OXGR1: variants seen among roughly 807,000 people sequenced by gnomAD.
OXGR1 encodes 2-oxoglutarate receptor 1.
A neutral mutation model predicts 10.0 loss-of-function variants in OXGR1; 10 were observed. The observed-to-expected ratio is 1.00, with a 90% confidence interval of 0.62 to 1.70. The LOEUF (loss-of-function observed/expected upper bound fraction) is 1.70. Among genes scored for constraint, OXGR1 ranks in the 40% most tolerant of loss-of-function variants. The probability of loss-of-function intolerance (pLI) is 0.00; values close to 1 mark genes in which losing one functional copy is unlikely to be tolerated. For missense variants in OXGR1, 398 were observed against 407.6 expected, an observed-to-expected ratio of 0.98 and a Z score of 0.20; for synonymous variants, 191 against 155.9, an observed-to-expected ratio of 1.22 and a Z score of -1.68.
chr13:96,992,351 C>T (rs894785995), intron 2 of OXGR1, 71 bp downstream of exon 2: 3 of 151,942 alleles, frequency 2.0e-5, no homozygotes, highest in African/African-American at 7.3e-5. Context: ...CTCATGTACC[C>T]CATAATTATA....
At position 96,987,406 on chromosome 13, in the gene OXGR1, A is replaced by G. The variant is rs1881817364; in HGVS notation, c.354T>C (p.Tyr118=). The change falls in exon 4 of 4, where the codon TAT becomes TAC. Residue 118 remains tyrosine, a synonymous_variant. Coordinates refer to ENST00000541038, the MANE Select transcript of OXGR1 (RefSeq NM_001346194.2). ...FIRFSFHFNL[Y]SSILFLTCFS... is the part of the protein sequence containing the mutation. ...AACAGGTGAGGAAGAGGATGCTGCTATACAGGTTGAAATGGAAGCTGAAGC... is the reference window on the plus strand; with the variant it reads ...AACAGGTGAGGAAGAGGATGCTGCTGTACAGGTTGAAATGGAAGCTGAAGC... 1 of 1,614,190 alleles carries G rather than the reference A, an allele frequency of 6.2e-7. No homozygotes were observed. Among genetic ancestry groups the G allele is most frequent in the Non-Finnish European group, 8.5e-7 (1 of 1,180,026 alleles).
intron 2 of OXGR1, among the ~76,000 whole-genome samples, chr13:96,990,699 T>C (rs940452182): frequency 2.0e-5 from 3 of 152,108 alleles, no homozygotes; most frequent in African/African-American, 7.2e-5. Flanking sequence ...ACCTCAGCAC[T>C]TTGGGAGGCT....
At position 96,987,154 on chromosome 13, in the gene OXGR1, C is replaced by T. The variant is rs1881794264; in HGVS notation, c.606G>A (p.Leu202=). 1 of 1,614,086 alleles carries T rather than the reference C, an allele frequency of 6.2e-7. No homozygotes were observed. The highest frequency in any genetic ancestry group is 8.5e-7 in the Non-Finnish European group (1 of 1,180,008). Residue 202 remains leucine, a synonymous_variant, in exon 4 of 4, where the codon TTG becomes TTA. Coordinates refer to ENST00000541038, the MANE Select transcript of OXGR1 (RefSeq NM_001346194.2). ...LNTIKWYNLI[L]TATTFCLPLV... ...AGGGGAGGCAGAAAGTAGTTGCAGT[C>T]AAAATCAGGTTGTACCACTTAATAG...
chr13:96,993,488 CT>C lies in OXGR1; in HGVS notation c.-278+809del, dbSNP rs1311200311. ...CCACCTGCCTCAGCCTCCCAAAGTG[CT>C]GGGATTACAGACGTGAGCCACACAC... On this transcript the variant is annotated intron_variant, in intron 1 of 3. Transcript: ENST00000541038. 1.3e-5 allele frequency among the ~76,000 whole-genome samples: 2 copies of C among 152,172 alleles called. 1 individual carries two copies. The highest frequency in any genetic ancestry group is 1.3e-4 in the Admixed American group (2 of 15,274).
At chr13:96,990,629 C>A (rs927546282) in intron 2 of OXGR1, among the ~76,000 whole-genome samples, 8 of 152,032 alleles carry the variant, frequency 5.3e-5, no homozygotes, top group Non-Finnish European at 1.0e-4. Flanking sequence ...ACTGAAGGGG[C>A]AACTATCATT....
rs1371059943 is a variant in OXGR1 at position 96,986,571 on chromosome 13, A to G, written c.*175T>C. ...TCCCATTCTTATATCTCCCCAGTGG[A>G]GGAGCTCAATAAAGGGATTGCAAAG... On this transcript the variant is annotated 3_prime_UTR_variant, in exon 4 of 4. Transcript: ENST00000541038. 5.3e-5 allele frequency: 33 copies of G among 621,826 alleles called. No homozygotes were observed. The highest frequency in any genetic ancestry group is 9.1e-5 in the Non-Finnish European group (33 of 360,776). 38.5% of individuals were successfully genotyped at this position (621,826 alleles called of 1,614,324 possible).
chr13:96,993,290 G>C (rs1882151187), intron 1 of OXGR1, among the ~76,000 whole-genome samples: 1 of 152,102 alleles, frequency 6.6e-6, no homozygotes, highest in African/African-American at 2.4e-5. Context: ...CATGATCTTG[G>C]CGCACTTCAA....
intron 2 of OXGR1, among the ~76,000 whole-genome samples, chr13:96,990,946 C>CAAAAAA (rs765856782): frequency 0.066 from 6,412 of 96,896 alleles, 764 homozygotes; most frequent in African/African-American, 0.19. Flanking sequence ...AAGACTCTTT[C>CAAAAAA]AAAAAAAAAA....
chr13:96,990,014 T>C (rs1881973855), intron 2 of OXGR1, among the ~76,000 whole-genome samples: 1 of 152,194 alleles, frequency 6.6e-6, no homozygotes, highest in Non-Finnish European at 1.5e-5. Context: ...CCTATGCCCA[T>C]CCTCCTGTAA....
At chr13:96,992,733 T>A (rs1018101596) in intron 1 of OXGR1, among the ~76,000 whole-genome samples, 161 bp from the exon 2 acceptor site, 1 of 152,204 alleles carries the variant, frequency 6.6e-6, no homozygotes, top group Non-Finnish European at 1.5e-5. Context: ...GCAGATCAGC[T>A]TTGTTGGATA....
rs1193399261 is a variant in OXGR1, at chr13:96,987,170, C to T, written c.590G>A (p.Trp197Ter). The change falls in exon 4 of 4, where the codon TGG (tryptophan) becomes TAG (stop). Residue 197 changes from tryptophan (W) to a stop codon, truncating the protein, a stop_gained. Transcript: ENST00000541038. LOFTEE classifies it high-confidence loss of function. The stretch of plus-strand genomic sequence containing the variant: ...AGTTGCAGTCAAAATCAGGTTGTAC[C>T]ACTTAATAGTATTGAGTTCATCCGA... ...TSSDELNTIK[W>*]YNLILTATTF... The T allele has an allele frequency of 6.2e-7, 1 of 1,614,054 alleles. No individual in the cohort carries two copies. Among genetic ancestry groups the T allele is most frequent in the East Asian group, 2.2e-5 (1 of 44,878 alleles).
intron 1 of OXGR1, among the ~76,000 whole-genome samples, chr13:96,993,808 G>T (rs1342724336): frequency 2.0e-5 from 3 of 150,444 alleles, no homozygotes; most frequent in Non-Finnish European, 4.4e-5. Context: ...TTCCTCGCTT[G>T]TTGGGGGTGG....
chr13:96,987,941 A>T, intron 3 of OXGR1, 108 bp from the exon 4 acceptor site: 1 of 695,756 alleles, frequency 1.4e-6, no homozygotes, highest in Non-Finnish European at 2.2e-6. Context: ...TCTCTCTTTA[A>T]TCTCAAAAGA....
At chr13:96,993,334 C>T (rs1257880558) in intron 1 of OXGR1, among the ~76,000 whole-genome samples, 1 of 152,188 alleles carries the variant, frequency 6.6e-6, no homozygotes, top group East Asian at 1.9e-4. Context: ...ATCCTCCTGC[C>T]TCAGCCTCGG....
chr13:96,993,736 C>T (rs1882175324), intron 1 of OXGR1, among the ~76,000 whole-genome samples: 1 of 149,132 alleles, frequency 6.7e-6, no homozygotes, highest in African/African-American at 2.5e-5. Context: ...AGCTAGTTCA[C>T]GAATCCATAG....
Position 96,986,108 on chromosome 13 carries a change from C to T in OXGR1, c.*638G>A, listed in dbSNP as rs1388566877. On this transcript the variant is annotated 3_prime_UTR_variant, in exon 4 of 4. Transcript: ENST00000541038. The stretch of plus-strand genomic sequence containing the variant: ...TTTTAACAACAATAAAGACATAATA[C>T]TCCAAATATATTGCAGGTACTAATT... The T allele has an allele frequency of 6.6e-6, 1 of 152,194 alleles. No homozygotes were observed. Among genetic ancestry groups the T allele is most frequent in the African/African-American group, 2.4e-5 (1 of 41,438 alleles). The allele number at this position is 152,194 out of a possible 1,614,324, so 9.4% of individuals were successfully genotyped here. A position where few individuals can be genotyped will look rare whatever the true frequency, so the allele number is the denominator to read the frequency against.
intron 3 of OXGR1, among the ~76,000 whole-genome samples, chr13:96,988,505 C>T (rs974909817): frequency 6.6e-6 from 1 of 152,188 alleles, no homozygotes; most frequent in East Asian, 1.9e-4. Context: ...CGTATTGCAA[C>T]ATTGTATTTG....
chr13:96,987,808 A>G lies in OXGR1; in HGVS notation c.-49T>C, dbSNP rs143484257. On this transcript the variant is annotated 5_prime_UTR_variant, in exon 4 of 4. Coordinates refer to ENST00000541038, the MANE Select transcript of OXGR1 (RefSeq NM_001346194.2). ...GAAAACAAGAGAGTTCAGTTTGGCA[A>G]TATGAATCAAATGAGCAGTAACTCG... The G allele has an allele frequency of 2.8e-5, 43 of 1,516,496 alleles. No individual in the cohort carries two copies. Among genetic ancestry groups the G allele is most frequent in the Non-Finnish European group, 3.6e-5 (41 of 1,133,688 alleles). The allele number at this position is 1,516,496 out of a possible 1,614,324, so 93.9% of individuals were successfully genotyped here. A position where few individuals can be genotyped will look rare whatever the true frequency, so the allele number is the denominator to read the frequency against.
At chr13:96,992,142 G>C (rs928723557) in intron 2 of OXGR1, among the ~76,000 whole-genome samples, 4 of 151,762 alleles carry the variant, frequency 2.6e-5, no homozygotes, top group African/African-American at 9.7e-5. Context: ...AAAAAAGAAA[G>C]GTAGAAAGAA....
Sources: allele counts gnomAD v4.1 joint callset (sites outside exome capture counted in the v4.1 genomes callset), GRCh38; gene constraint gnomAD v4.1.1; transcripts MANE v1.5; gene names NCBI Gene and HGNC (gene_info 2026-07-23, HGNC 2026-07-21).